Variants in CDH2 observed in about 807,000 individuals in gnomAD.
CDH2 encodes the protein cadherin-2.
A neutral mutation model predicts 92.0 loss-of-function variants in CDH2; 17 were observed. The observed-to-expected ratio is 0.18, with a 90% CI of 0.13 to 0.28. CDH2 has a LOEUF of 0.28. Ranked by LOEUF, CDH2 falls within the 10% of genes least tolerant of loss-of-function variation. The pLI, the probability that CDH2 is intolerant of heterozygous loss-of-function variation, is 1.00. For synonymous variants in CDH2, 419 were observed against 415.9 expected, an observed-to-expected ratio of 1.01 and a Z score of -0.09; for missense variants, 862 against 1,133.1, an observed-to-expected ratio of 0.76 and a Z score of 3.44.
rs751271722 is a variant in CDH2, at chr18:27,985,106, G to A, written c.2103C>T (p.Cys701=). 21 of 1,614,040 alleles carry A rather than the reference G, an allele frequency of 1.3e-5. No individual in the cohort carries two copies. The highest frequency in any genetic ancestry group is 1.6e-4 in the Middle Eastern group (1 of 6,062). Residue 701 remains cysteine, a synonymous_variant, in exon 13 of 16, where the codon TGC becomes TGT. Coordinates refer to ENST00000269141, the MANE Select transcript of CDH2 (RefSeq NM_001792.5). ...SNISILRVKV[C]QCDSNGDCTD... ...TGCAGTCCCCGTTGGAGTCACACTG[G>A]CAAACCTTCACACGCAGGATGGAAA...
chr18:28,088,602 T>C lies in CDH2; in HGVS notation c.172+59071A>G, dbSNP rs1379276533. On this transcript the variant is annotated intron_variant, in intron 2 of 15. Coordinates refer to ENST00000269141, the MANE Select transcript of CDH2 (RefSeq NM_001792.5). Reference sequence around the variant, plus strand: ...GATGGGGAGGAAATGTCCTGGGGCCTATGTAAGTCTGTCCGAGAGGCATCT... The same window carrying C: ...GATGGGGAGGAAATGTCCTGGGGCCCATGTAAGTCTGTCCGAGAGGCATCT... Among the ~76,000 whole-genome samples the C allele has an allele frequency of 2.6e-5, 4 of 152,080 alleles. No individual in the cohort carries two copies. In the East Asian group the frequency reaches 7.7e-4, roughly 29 times the overall value.
intron 11 of CDH2, among the ~76,000 whole-genome samples, 167 bp from the exon 12 acceptor site, chr18:27,985,928 C>T (rs1313110769): frequency 5.3e-5 from 8 of 152,144 alleles, no homozygotes; most frequent in Non-Finnish European, 1.2e-4. Flanking sequence ...AACAAAGCCC[C>T]TTCTTGCTTC....
intron 2 of CDH2, among the ~76,000 whole-genome samples, chr18:28,109,526 A>T (rs558230971): frequency 2.4e-4 from 37 of 152,312 alleles, no homozygotes; most frequent in Non-Finnish European, 4.6e-4. Context: ...TTATAGTAAT[A>T]CATAGAAACA....
chr18:27,983,209 C>G, intron 13 of CDH2, 126 bp from the exon 14 acceptor site: 1 of 634,930 alleles, frequency 1.6e-6, no homozygotes, highest in Non-Finnish European at 2.6e-6. Context: ...GTCTTTCACT[C>G]TACTATCTAT....
chr18:28,147,749 G>A lies in CDH2; in HGVS notation c.96C>T (p.Cys32=). 1 of 1,611,536 alleles carries A rather than the reference G, an allele frequency of 6.2e-7. No individual in the cohort carries two copies. The highest frequency in any genetic ancestry group is 1.3e-5 in the African/African-American group (1 of 74,640). ...AAACATCTTCAGGAAATCCAGTCTT[G>A]CATAATGCGATTTCACCAGAAGCCT... ...SVEASGEIAL[C]KTGFPEDVYS... is the part of the protein sequence containing the mutation. Residue 32 remains cysteine (C), a synonymous_variant, in exon 2 of 16, where the codon TGC becomes TGT. Coordinates refer to ENST00000269141, the MANE Select transcript of CDH2 (RefSeq NM_001792.5).
intron 2 of CDH2, among the ~76,000 whole-genome samples, chr18:28,046,377 CAG>C (rs1462218736): frequency 2.0e-5 from 3 of 152,002 alleles, no homozygotes; most frequent in East Asian, 1.9e-4. Flanking sequence ...CTCATTAAAA[CAG>C]AGAATTATTT....
chr18:28,013,734 T>C lies in CDH2; in HGVS notation c.348A>G (p.Gln116=), dbSNP rs773294597. 4 of 1,613,926 alleles carry C rather than the reference T, an allele frequency of 2.5e-6. No homozygotes were observed. The highest frequency in any genetic ancestry group is 2.2e-5 in the South Asian group (2 of 91,086). The change falls in exon 3 of 16, where the codon CAA becomes CAG. Residue 116 remains glutamine (Q), a synonymous_variant. Coordinates refer to ENST00000269141, the MANE Select transcript of CDH2 (RefSeq NM_001792.5). ...GCTTCAGGCTCAATTTTACTGCCACTTGCCACTTTTCCTGGGTCTCTTTGT... is the reference window on the plus strand; with the variant it reads ...GCTTCAGGCTCAATTTTACTGCCACCTGCCACTTTTCCTGGGTCTCTTTGT... ...AQDKETQEKW[Q]VAVKLSLKPT... is the part of the protein sequence containing the mutation.
Position 27,952,153 on chromosome 18 carries a change from T to C in CDH2, c.2721A>G (p.Ter907TrpextTer4). 1 of 1,612,950 alleles carries C rather than the reference T, an allele frequency of 6.2e-7. No individual in the cohort carries two copies. Among genetic ancestry groups the C allele is most frequent in the Non-Finnish European group, 8.5e-7 (1 of 1,179,142 alleles). ...LADMYGGGDD[*>W] ...CCAAAAACCAAGTTCACCCTGAAGT[T>C]CAGTCATCACCTCCACCATACATGT... The change falls in exon 16 of 16, where the codon TGA becomes TGG. Residue 907 changes from the stop codon to tryptophan, a stop_lost. Coordinates refer to ENST00000269141, the MANE Select transcript of CDH2 (RefSeq NM_001792.5).
At chr18:28,107,540 T>C (rs571047351) in intron 2 of CDH2, among the ~76,000 whole-genome samples, 2 of 152,272 alleles carry the variant, frequency 1.3e-5, no homozygotes, top group African/African-American at 4.8e-5. Context: ...GAGTATAATA[T>C]GTATGCCATA....
intron 2 of CDH2, among the ~76,000 whole-genome samples, chr18:28,081,903 A>G (rs1599086036): frequency 1.3e-5 from 2 of 152,202 alleles, no homozygotes; most frequent in African/African-American, 4.8e-5. Flanking sequence ...ATCAAATTAT[A>G]TAACATAAGC....
intron 14 of CDH2, among the ~76,000 whole-genome samples, chr18:27,978,132 A>G (rs2011911586): frequency 6.6e-6 from 1 of 152,234 alleles, no homozygotes; most frequent in Admixed American, 6.5e-5. Context: ...TTTAAGATTT[A>G]AAGTAAGAAC....
At chr18:27,961,685 GAGAAA>G (rs2011408544) in intron 15 of CDH2, among the ~76,000 whole-genome samples, 2 of 152,170 alleles carry the variant, frequency 1.3e-5, no homozygotes, top group African/African-American at 2.4e-5. Context: ...CTTTAGCACT[GAGAAA>G]AGAAGAGTAT....
intron 2 of CDH2, among the ~76,000 whole-genome samples, chr18:28,133,286 T>C (rs1182210394): frequency 6.6e-6 from 1 of 152,090 alleles, no homozygotes; most frequent in East Asian, 1.9e-4. Flanking sequence ...AGAAAATTTA[T>C]AATAAGAACT....
chr18:28,045,042 T>G (rs571531081), intron 2 of CDH2, among the ~76,000 whole-genome samples: 135 of 152,244 alleles, frequency 8.9e-4, no homozygotes, highest in Non-Finnish European at 1.5e-3. Flanking sequence ...AAATTCCAAA[T>G]TCAAAAAGAA....
chr18:27,983,300 C>T (rs973652200), intron 13 of CDH2, among the ~76,000 whole-genome samples: 4 of 152,180 alleles, frequency 2.6e-5, no homozygotes, highest in African/African-American at 9.6e-5. Flanking sequence ...GCTCCCATCC[C>T]TGGTGCCCTC....
In CDH2 at chr18:28,011,963, G is replaced by A; in HGVS notation, c.429C>T (p.Phe143=). The A allele has an allele frequency of 6.2e-7, 1 of 1,613,764 alleles. No homozygotes were observed. Residue 143 remains phenylalanine (F), a synonymous_variant, in exon 4 of 16, where the codon TTC becomes TTT. Transcript: ENST00000269141. ...CACTGTGCTTACTGAATTGTCTTGG[G>A]AACACTATTTCTTCAACTTCTGCTG... The part of the protein sequence containing the change: ...KESAEVEEIV[F]PRQFSKHSGH...
chr18:28,114,968 C>T (rs1465404376), intron 2 of CDH2, among the ~76,000 whole-genome samples: 1 of 152,088 alleles, frequency 6.6e-6, no homozygotes, highest in Non-Finnish European at 1.5e-5. Flanking sequence ...AATTGTTAGG[C>T]TCCTTGTTGT....
intron 13 of CDH2, 116 bp downstream of exon 13, chr18:27,984,884 T>C: frequency 1.4e-6 from 1 of 725,022 alleles, no homozygotes; most frequent in Admixed American, 2.7e-5. Flanking sequence ...GGCGAGGAAA[T>C]GCTGAAAGGT....
At position 27,983,077 on chromosome 18, in the gene CDH2, A is replaced by C. The variant is rs1471322766; in HGVS notation, c.2216T>G (p.Val739Gly). 2 of 1,608,810 alleles carry C rather than the reference A, an allele frequency of 1.2e-6. No individual in the cohort carries two copies. Among genetic ancestry groups the C allele is most frequent in the African/African-American group, 1.3e-5 (1 of 74,744 alleles). Residue 739 changes from valine (V) to glycine (G), a missense_variant, in exon 14 of 16, where the codon GTG (valine) becomes GGG (glycine). Physicochemically the swap from Val to Gly is moderately radical, Grantham distance 109. Coordinates refer to ENST00000269141, the MANE Select transcript of CDH2 (RefSeq NM_001792.5). The part of the protein sequence containing the change: ...LLCIIILLIL[V>G]LMFVVWMKRR... Reference sequence around the variant, plus strand: ...TTTCATCCATACCACAAACATCAGCACAAGGACTAGGTAGAAAAATAGTAA... The same window carrying C: ...TTTCATCCATACCACAAACATCAGCCCAAGGACTAGGTAGAAAAATAGTAA...
Sources: allele counts gnomAD v4.1 joint callset (sites outside exome capture counted in the v4.1 genomes callset), GRCh38; gene constraint gnomAD v4.1.1; transcripts MANE v1.5; gene names NCBI Gene and HGNC (gene_info 2026-07-23, HGNC 2026-07-21).